HEMGN: variants seen among roughly 807,000 people sequenced by gnomAD.
HEMGN encodes hemogen, also known as erythroid differentiation-associated gene protein.
Under a neutral mutation model 45.7 loss-of-function variants are expected in HEMGN, and 32 were observed. That is an observed-to-expected ratio of 0.70 (90% CI 0.53 to 0.94). The LOEUF (loss-of-function observed/expected upper bound fraction) is 0.94, where lower values mean the gene tolerates loss of function less well. Ranked by LOEUF, HEMGN falls within the 40% of genes least tolerant of loss-of-function variation. The probability of loss-of-function intolerance (pLI) is 0.00; values close to 1 mark genes in which losing one functional copy is unlikely to be tolerated. For synonymous variants in HEMGN, 183 were observed against 178.6 expected (o/e 1.02, Z -0.20); for missense variants, 530 against 564.2 (o/e 0.94, Z 0.61).
chr9:97,939,792 C>T (rs1027803938), upstream of HEMGN, among the ~76,000 whole-genome samples: 2 of 152,128 alleles, frequency 1.3e-5, no homozygotes, highest in Non-Finnish European at 1.5e-5. Flanking sequence ...AATTACTAAA[C>T]CCTAATATTT....
chr9:97,930,533 C>G lies in HEMGN; in HGVS notation c.862G>C (p.Asp288His). 1 of 1,614,112 alleles carries G rather than the reference C, an allele frequency of 6.2e-7. No homozygotes were observed. Among genetic ancestry groups the G allele is most frequent in the East Asian group, 2.2e-5 (1 of 44,876 alleles). ...CCTTCTGTCTCAGCTATTCCTTGAT[C>G]TGTTTCATTGTATTCCTCTGGTTCT... Reference protein sequence around the residue: ...PAEPEEYNETDQGIAETEGLF... With the variant: ...PAEPEEYNETHQGIAETEGLF... Residue 288 changes from aspartate (D) to histidine (H), a missense_variant, in exon 3 of 4, where the codon GAT (aspartate) becomes CAT (histidine). Coordinates refer to ENST00000616898, the MANE Select transcript of HEMGN (RefSeq NM_197978.3).
In HEMGN at chr9:97,931,014, A is replaced by C; in HGVS notation, c.381T>G (p.Val127=). The C allele has an allele frequency of 1.9e-6, 3 of 1,614,162 alleles. No homozygotes were observed. Among genetic ancestry groups the C allele is most frequent in the Non-Finnish European group, 2.5e-6 (3 of 1,180,024 alleles). The part of the protein sequence containing the change: ...VFPSVASPQK[V]VPEEHFSEIC... Reference sequence around the variant, plus strand: ...TTTCAGAAAAGTGTTCCTCAGGCACAACTTTTTGCGGGGAGGCTACTGAAG... The same window carrying C: ...TTTCAGAAAAGTGTTCCTCAGGCACCACTTTTTGCGGGGAGGCTACTGAAG... Residue 127 remains valine, a synonymous_variant, in exon 3 of 4, where the codon GTT becomes GTG. Coordinates refer to ENST00000616898, the MANE Select transcript of HEMGN (RefSeq NM_197978.3).
intron 1 of HEMGN, among the ~76,000 whole-genome samples, chr9:97,943,972 A>G (rs1827187453): frequency 6.6e-6 from 1 of 151,844 alleles, no homozygotes; most frequent in Non-Finnish European, 1.5e-5. Flanking sequence ...AGCCTCTCTG[A>G]TGGTGTGGTG....
rs1351084239 is a variant in HEMGN, at chr9:97,930,901, T to A, written c.494A>T (p.His165Leu). Residue 165 changes from histidine to leucine, a missense_variant, in exon 3 of 4, where the codon CAT becomes CTT. Transcript: ENST00000616898. ...AGAGAGGTCTTCAGGTTCAGACACATGTTGGCATGTTTCAGAAGAATGGTT... is the reference window on the plus strand; with the variant it reads ...AGAGAGGTCTTCAGGTTCAGACACAAGTTGGCATGTTTCAGAAGAATGGTT... The part of the protein sequence containing the change: ...VQNHSSETCQ[H>L]VSEPEDLSPK... 6.2e-7 allele frequency: 1 copy of A among 1,614,174 alleles called. No individual in the cohort carries two copies. Among genetic ancestry groups the A allele is most frequent in the East Asian group, 2.2e-5 (1 of 44,886 alleles).
chr9:97,942,943 G>C (rs1026104867), upstream of HEMGN, among the ~76,000 whole-genome samples: 3 of 152,292 alleles, frequency 2.0e-5, no homozygotes, highest in Admixed American at 6.5e-5. Context: ...GTACACTTTG[G>C]TTTGTCATGC....
At chr9:97,937,912 C>A (rs1417689335) in intron 1 of HEMGN, 146 bp downstream of exon 1, 4 of 587,926 alleles carry the variant, frequency 6.8e-6, no homozygotes, top group Non-Finnish European at 6.0e-6. Flanking sequence ...CCACAGCCAT[C>A]GAATGAAATT....
chr9:97,935,149 A>C (rs1048488438), intron 2 of HEMGN, among the ~76,000 whole-genome samples: 11 of 151,838 alleles, frequency 7.2e-5, no homozygotes, highest in Admixed American at 1.3e-4. Context: ...AACCAACACA[A>C]CCCCCACATT....
chr9:97,934,404 GGGGAGGA>G (rs1587853945), intron 2 of HEMGN, among the ~76,000 whole-genome samples: 6 of 134,482 alleles, frequency 4.5e-5, no homozygotes, highest in South Asian at 2.7e-4. Context: ...GGAGAGGAGA[GGGGAGGA>G]GAGAGGAGGG....
chr9:97,941,774 G>A (rs1564124749), upstream of HEMGN, among the ~76,000 whole-genome samples: 1 of 152,192 alleles, frequency 6.6e-6, no homozygotes, highest in Non-Finnish European at 1.5e-5. Context: ...CAGTGAGGCA[G>A]AGGAAAACTG....
upstream of HEMGN, among the ~76,000 whole-genome samples, chr9:97,942,229 G>T (rs575079556): frequency 2.1e-4 from 32 of 151,362 alleles, 1 homozygote; most frequent in African/African-American, 7.3e-4. Flanking sequence ...CTGGTAGTTC[G>T]CACCAGAAGC....
intron 2 of HEMGN, among the ~76,000 whole-genome samples, chr9:97,934,687 C>A (rs1292144068): frequency 6.6e-6 from 1 of 152,062 alleles, no homozygotes; most frequent in East Asian, 1.9e-4. Context: ...CAAAATCATC[C>A]TCTATAAAGT....
chr9:97,932,277 A>G (rs1826968347), intron 2 of HEMGN, among the ~76,000 whole-genome samples: 3 of 152,178 alleles, frequency 2.0e-5, no homozygotes, highest in African/African-American at 4.8e-5. Flanking sequence ...ACATCTTTAT[A>G]GTGCCCATCG....
At chr9:97,938,037 T>C in intron 1 of HEMGN, 21 bp downstream of exon 1, 1 of 1,502,362 alleles carries the variant, frequency 6.7e-7, no homozygotes, top group Non-Finnish European at 9.2e-7. Flanking sequence ...AGCCACCAGC[T>C]CTTAAGGTAT....
intron 1 of HEMGN, 117 bp from the exon 2 acceptor site, chr9:97,936,381 C>G: frequency 1.4e-6 from 1 of 696,138 alleles, no homozygotes; most frequent in Non-Finnish European, 2.5e-6. Context: ...TTTTTGAGGA[C>G]AAGGACTGCA....
Position 97,930,573 on chromosome 9 carries a change from T to C in HEMGN, c.822A>G (p.Thr274=). ...CCTCTGGTTCTGCTGGATTTTGGTC[T>C]GTGTCAAGAATATAGCCTTTAGGCA... The part of the protein sequence containing the change: ...PDVPKGYILD[T]DQNPAEPEEY... The change falls in exon 3 of 4, where the codon ACA becomes ACG. Residue 274 remains threonine (T), a synonymous_variant. Coordinates refer to ENST00000616898, the MANE Select transcript of HEMGN (RefSeq NM_197978.3). The C allele has an allele frequency of 6.2e-7, 1 of 1,614,226 alleles. No homozygotes were observed. The highest frequency in any genetic ancestry group is 8.5e-7 in the Non-Finnish European group (1 of 1,180,044).
At chr9:97,937,402 AG>A (rs1827081998) in intron 1 of HEMGN, among the ~76,000 whole-genome samples, 1 of 152,080 alleles carries the variant, frequency 6.6e-6, no homozygotes, top group Non-Finnish European at 1.5e-5. Flanking sequence ...GTCCCTATAA[AG>A]AAATCACATA....
At chr9:97,938,405 C>G (rs1340241541), upstream of HEMGN, 5 of 339,992 alleles carry the variant, frequency 1.5e-5, no homozygotes, top group African/African-American at 2.1e-5. Context: ...CAGGGAAACT[C>G]TCTGACCACA....
At chr9:97,934,352 G>C (rs1044024113) in intron 2 of HEMGN, among the ~76,000 whole-genome samples, 1 of 149,212 alleles carries the variant, frequency 6.7e-6, no homozygotes, top group African/African-American at 2.5e-5. Context: ...GTCTCAAAAC[G>C]AGTGAATGAA....
chr9:97,943,739 C>A (rs1012253085), intron 1 of HEMGN, among the ~76,000 whole-genome samples: 3 of 152,204 alleles, frequency 2.0e-5, no homozygotes, highest in African/African-American at 7.2e-5. Flanking sequence ...GTAATATATT[C>A]TCAGTGTCTC....
Sources: gnomAD v4.1 joint callset for allele counts (sites outside exome capture counted in the v4.1 genomes callset) on GRCh38, gnomAD v4.1.1 for gene constraint, MANE v1.5 for transcripts, NCBI Gene and HGNC (gene_info 2026-07-23, HGNC 2026-07-21) for gene names.